CCDC149: variants seen among roughly 807,000 people sequenced by gnomAD.
CCDC149 encodes the protein coiled-coil domain containing 149.
In CCDC149, 45 loss-of-function variants were observed where a neutral mutation model predicts 59.9. The ratio of observed to expected loss-of-function variants is 0.75; its 90% CI spans 0.59 to 0.96. The LOEUF is 0.96. CCDC149 is among the 40% of genes least tolerant of loss of function. The probability of loss-of-function intolerance (pLI) is 0.00; values close to 1 mark genes in which losing one functional copy is unlikely to be tolerated. For synonymous variants in CCDC149, 245 were observed against 260.6 expected (o/e 0.94, Z 0.58); for missense variants, 584 against 664.7 (o/e 0.88, Z 1.33).
intron 3 of CCDC149, among the ~76,000 whole-genome samples, chr4:24,870,475 A>C (rs1718972715): frequency 6.6e-6 from 1 of 152,192 alleles, no homozygotes; most frequent in African/African-American, 2.4e-5. Context: ...ACTGGTTCCA[A>C]CCCAGGCAGG....
intron 4 of CCDC149, among the ~76,000 whole-genome samples, chr4:24,842,033 T>G (rs1011862158): frequency 6.6e-6 from 1 of 152,176 alleles, no homozygotes; most frequent in African/African-American, 2.4e-5. Context: ...ACTATTCTAT[T>G]TTTACATAAT....
intron 12 of CCDC149, among the ~76,000 whole-genome samples, chr4:24,816,933 C>T (rs984023967): frequency 6.6e-6 from 1 of 152,294 alleles, no homozygotes; most frequent in Non-Finnish European, 1.5e-5. Context: ...CTTTGTCCTC[C>T]CAAGCGCGCG....
chr4:24,939,144 C>G (rs867451259), intron 1 of CCDC149, among the ~76,000 whole-genome samples: 5 of 152,348 alleles, frequency 3.3e-5, no homozygotes, highest in African/African-American at 7.2e-5. Context: ...AGGCACCCCC[C>G]AGTAGGGGCG....
chr4:24,964,192 TAAAAAAAAA>T (rs377278394), intron 1 of CCDC149, among the ~76,000 whole-genome samples: 2 of 119,208 alleles, frequency 1.7e-5, no homozygotes, highest in South Asian at 6.1e-4. Context: ...AGACCCTATC[TAAAAAAAAA>T]AAAAAAAAAA....
intron 8 of CCDC149, among the ~76,000 whole-genome samples, chr4:24,832,648 T>C (rs190954119): frequency 5.9e-5 from 9 of 152,158 alleles, no homozygotes; most frequent in African/African-American, 2.2e-4. Context: ...GTGTACACTT[T>C]CAAAAAATTC....
intron 1 of CCDC149, among the ~76,000 whole-genome samples, chr4:24,940,492 G>C (rs1201731288): frequency 9.9e-5 from 15 of 152,088 alleles, no homozygotes; most frequent in Admixed American, 9.8e-4. Context: ...ATCAACTAAC[G>C]AGCAAAATAA....
At chr4:24,959,332 T>G (rs1484986061) in intron 1 of CCDC149, among the ~76,000 whole-genome samples, 1 of 152,156 alleles carries the variant, frequency 6.6e-6, no homozygotes, top group Non-Finnish European at 1.5e-5. Flanking sequence ...TGTGTTTATC[T>G]GCCAACCCTA....
chr4:24,912,270 A>C (rs1721919341), intron 1 of CCDC149, among the ~76,000 whole-genome samples: 1 of 151,994 alleles, frequency 6.6e-6, no homozygotes, highest in South Asian at 2.1e-4. Context: ...GCCCCTCCCC[A>C]CCTTACACAT....
chr4:24,842,657 G>A lies in CCDC149; in HGVS notation c.373-4385C>T, dbSNP rs116670913. 6.7e-3 allele frequency among the ~76,000 whole-genome samples: 1,020 copies of A among 152,298 alleles called. 14 individuals are homozygous for A. The highest frequency in any genetic ancestry group is 0.023 in the African/African-American group (949 of 41,550). ...TGAGGTGCAGCTGCAGCTGGGAAGT[G>A]GCTGAGGGACATGGCTGCAAAACAA... On this transcript the variant is annotated intron_variant, in intron 4 of 12. Transcript: ENST00000635206.
At chr4:24,845,016 T>C (rs1349757053) in intron 4 of CCDC149, among the ~76,000 whole-genome samples, 2 of 152,174 alleles carry the variant, frequency 1.3e-5, no homozygotes, top group Non-Finnish European at 2.9e-5. Flanking sequence ...TCACAAATCT[T>C]ATAAATGGCA....
intron 12 of CCDC149, among the ~76,000 whole-genome samples, chr4:24,813,669 T>C (rs1426828458): frequency 6.6e-6 from 1 of 151,978 alleles, no homozygotes; most frequent in Non-Finnish European, 1.5e-5. Flanking sequence ...TATAAAAGTA[T>C]TGATTGATAT....
chr4:24,808,899 C>T lies in CCDC149; in HGVS notation c.1193-80G>A, dbSNP rs989781890. 10 of 1,305,998 alleles carry T rather than the reference C, an allele frequency of 7.7e-6. No individual in the cohort carries two copies. In the Admixed American group the frequency reaches 2.3e-4, roughly 30 times the overall value. The allele number at this position is 1,305,998 out of a possible 1,614,324, so 80.9% of individuals were successfully genotyped here. On this transcript the variant is annotated intron_variant, in intron 12 of 12. Coordinates refer to ENST00000635206, the MANE Select transcript of CCDC149 (RefSeq NM_001330643.2). Reference sequence around the variant, plus strand: ...GCCCCTCTTCTGCCAACCTCCTGCCCAGCCTACCAGCACAGGGCCTCTGAA... The same window carrying T: ...GCCCCTCTTCTGCCAACCTCCTGCCTAGCCTACCAGCACAGGGCCTCTGAA...
At chr4:24,916,824 G>GTACA (rs1553861279), upstream of CCDC149, among the ~76,000 whole-genome samples, 476 of 148,404 alleles carry the variant, frequency 3.2e-3, 2 homozygotes, top group African/African-American at 0.012. Flanking sequence ...GTGTGTGTGT[G>GTACA]TACATATATT....
chr4:24,962,504 C>A (rs1425522179), intron 1 of CCDC149, among the ~76,000 whole-genome samples: 1 of 152,128 alleles, frequency 6.6e-6, no homozygotes, highest in Non-Finnish European at 1.5e-5. Flanking sequence ...TCCGCTATAC[C>A]TGGATTAAGA....
chr4:24,943,291 A>C (rs2109349826), intron 1 of CCDC149, among the ~76,000 whole-genome samples: 1 of 152,224 alleles, frequency 6.6e-6, no homozygotes, highest in Non-Finnish European at 1.5e-5. Flanking sequence ...TCCTTGACAA[A>C]CCTGAGAAAA....
chr4:24,924,246 G>GAA (rs57456696), intron 1 of CCDC149, among the ~76,000 whole-genome samples: 65 of 125,490 alleles, frequency 5.2e-4, no homozygotes, highest in African/African-American at 1.8e-3. Flanking sequence ...CTTTATAGCT[G>GAA]AAAAAAAAAA....
At chr4:24,818,905 T>C (rs1715187628) in intron 12 of CCDC149, among the ~76,000 whole-genome samples, 1 of 152,076 alleles carries the variant, frequency 6.6e-6, no homozygotes, top group Non-Finnish European at 1.5e-5. Context: ...TACCAAGGGG[T>C]AGGGAACATT....
intron 3 of CCDC149, among the ~76,000 whole-genome samples, chr4:24,866,007 C>T (rs1440754665): frequency 6.6e-6 from 1 of 152,136 alleles, no homozygotes; most frequent in Non-Finnish European, 1.5e-5. Context: ...AAAGAAACAT[C>T]TCAAAGCACT....
At chr4:24,912,235 C>A (rs1252602259) in intron 1 of CCDC149, among the ~76,000 whole-genome samples, 1 of 152,238 alleles carries the variant, frequency 6.6e-6, no homozygotes, top group East Asian at 1.9e-4. Context: ...CACTTCTGCA[C>A]CTGTGTTTCA....
Sources: gnomAD v4.1 joint callset for allele counts (sites outside exome capture counted in the v4.1 genomes callset) on GRCh38, gnomAD v4.1.1 for gene constraint, MANE v1.5 for transcripts, NCBI Gene and HGNC (gene_info 2026-07-23, HGNC 2026-07-21) for gene names.